FSIP1: variants seen among roughly 807,000 people sequenced by gnomAD.
The protein encoded by FSIP1 is fibrous sheath interacting protein 1.
Under a neutral mutation model 60.9 loss-of-function variants are expected in FSIP1, and 65 were observed. That is an observed-to-expected ratio of 1.07 (90% CI 0.87 to 1.31). The LOEUF is 1.31. Among genes scored for constraint, FSIP1 ranks in the 40% most tolerant of loss-of-function variants. The pLI is 0.00. For missense variants in FSIP1, 675 were observed against 665.5 expected, an observed-to-expected ratio of 1.01 and a Z score of -0.16; for synonymous variants, 209 against 221.2, an observed-to-expected ratio of 0.94 and a Z score of 0.49.
chr15:39,758,772 T>C (rs1489466394), intron 5 of FSIP1, among the ~76,000 whole-genome samples: 9 of 152,052 alleles, frequency 5.9e-5, no homozygotes, highest in Non-Finnish European at 1.2e-4. Context: ...TATTCCAAAA[T>C]ACTGCCCCAA....
chr15:39,658,385 G>A (rs1461802464), intron 10 of FSIP1, among the ~76,000 whole-genome samples: 2 of 151,580 alleles, frequency 1.3e-5, no homozygotes, highest in Non-Finnish European at 2.9e-5. Flanking sequence ...GAGTAGCTGG[G>A]ATTACAGGTG....
chr15:39,629,366 A>G (rs1273475803), intron 10 of FSIP1, among the ~76,000 whole-genome samples: 2 of 152,240 alleles, frequency 1.3e-5, no homozygotes, highest in African/African-American at 4.8e-5. Context: ...GTATGCAGTA[A>G]CCACAAAGTA....
chr15:39,620,958 A>G (rs889326147), intron 10 of FSIP1, among the ~76,000 whole-genome samples: 4 of 151,642 alleles, frequency 2.6e-5, no homozygotes, highest in African/African-American at 9.7e-5. Context: ...TATTTAAATG[A>G]AATTCCCAGG....
At chr15:39,618,755 G>A (rs1891335982) in intron 10 of FSIP1, among the ~76,000 whole-genome samples, 1 of 152,182 alleles carries the variant, frequency 6.6e-6, no homozygotes, top group South Asian at 2.1e-4. Flanking sequence ...CCAGGGCTAA[G>A]TGTTTCAACC....
chr15:39,618,397 T>C (rs1341681337), intron 10 of FSIP1, 152 bp from the exon 11 acceptor site: 1 of 670,316 alleles, frequency 1.5e-6, no homozygotes, highest in African/African-American at 1.8e-5. Context: ...TATCCAAAAC[T>C]GTAGGGGAAA....
intron 10 of FSIP1, among the ~76,000 whole-genome samples, chr15:39,640,542 C>T (rs1244607458): frequency 6.6e-6 from 1 of 152,038 alleles, no homozygotes; most frequent in East Asian, 1.9e-4. Flanking sequence ...TGCCCCGGGT[C>T]GCAGCGGAAA....
At chr15:39,686,292 A>C (rs1209223007) in intron 10 of FSIP1, among the ~76,000 whole-genome samples, 1 of 152,272 alleles carries the variant, frequency 6.6e-6, no homozygotes, top group Non-Finnish European at 1.5e-5. Flanking sequence ...CCAAAGTATT[A>C]GCAGTATAAA....
intron 2 of FSIP1, among the ~76,000 whole-genome samples, chr15:39,772,095 G>A (rs753573108): frequency 4.6e-5 from 7 of 152,112 alleles, no homozygotes; most frequent in South Asian, 4.1e-4. Context: ...AAGGTAATGA[G>A]GTACAAAGGT....
At chr15:39,776,077 G>C (rs922138830) in intron 2 of FSIP1, among the ~76,000 whole-genome samples, 3 of 149,104 alleles carry the variant, frequency 2.0e-5, no homozygotes, top group African/African-American at 5.0e-5. Context: ...ACAAAGTACA[G>C]TGCAGAGAAA....
At chr15:39,652,409 T>C (rs1021141668) in intron 10 of FSIP1, among the ~76,000 whole-genome samples, 2 of 152,242 alleles carry the variant, frequency 1.3e-5, no homozygotes, top group Non-Finnish European at 2.9e-5. Flanking sequence ...TTGTTAGTTA[T>C]ATTTTGAACT....
chr15:39,720,299 T>C (rs1191525346), intron 9 of FSIP1, among the ~76,000 whole-genome samples: 6 of 152,246 alleles, frequency 3.9e-5, no homozygotes, highest in Non-Finnish European at 5.9e-5. Context: ...AGGAGATCAA[T>C]ACAAACTACA....
At chr15:39,667,470 G>C (rs1481249001) in intron 10 of FSIP1, among the ~76,000 whole-genome samples, 1 of 152,168 alleles carries the variant, frequency 6.6e-6, no homozygotes, top group Non-Finnish European at 1.5e-5. Flanking sequence ...GAAGAGGATT[G>C]TGTGACCCTT....
intron 2 of FSIP1, among the ~76,000 whole-genome samples, chr15:39,770,864 G>A (rs1013830095): frequency 4.6e-5 from 7 of 152,218 alleles, no homozygotes; most frequent in Non-Finnish European, 1.0e-4. Flanking sequence ...CAGTCCTGAA[G>A]GGAACTGCTA....
chr15:39,705,644 T>C (rs537840445), intron 10 of FSIP1, among the ~76,000 whole-genome samples: 22 of 152,142 alleles, frequency 1.4e-4, no homozygotes, highest in Non-Finnish European at 3.1e-4. Flanking sequence ...TATAACATAG[T>C]TGATAAAAAT....
intron 8 of FSIP1, among the ~76,000 whole-genome samples, chr15:39,728,626 C>T (rs116778045): frequency 0.02 from 3,074 of 152,068 alleles, 109 homozygotes; most frequent in African/African-American, 0.071. Context: ...ACACCATATA[C>T]AAAAATCAAG....
chr15:39,628,748 T>G (rs148772687), intron 10 of FSIP1, among the ~76,000 whole-genome samples: 225 of 152,318 alleles, frequency 1.5e-3, no homozygotes, highest in Non-Finnish European at 2.7e-3. Flanking sequence ...TTTCTAACTT[T>G]AGATTCCGGC....
At chr15:39,713,211 T>C (rs1341926278) in intron 10 of FSIP1, among the ~76,000 whole-genome samples, 1 of 152,216 alleles carries the variant, frequency 6.6e-6, no homozygotes, top group Admixed American at 6.5e-5. Flanking sequence ...AGAACAGTCA[T>C]AAAACAGTCA....
chr15:39,701,186 T>A (rs1163704042), intron 10 of FSIP1, among the ~76,000 whole-genome samples: 1 of 152,136 alleles, frequency 6.6e-6, no homozygotes, highest in African/African-American at 2.4e-5. Context: ...GGAGCACACT[T>A]ATTTAGTAAA....
At chr15:39,782,066 T>A (rs1417451372) in intron 1 of FSIP1, among the ~76,000 whole-genome samples, 1 of 152,226 alleles carries the variant, frequency 6.6e-6, no homozygotes, top group Non-Finnish European at 1.5e-5. Context: ...AAAGAACACT[T>A]ATGTTTCAAA....
Sources: allele counts gnomAD v4.1 joint callset (sites outside exome capture counted in the v4.1 genomes callset), GRCh38; gene constraint gnomAD v4.1.1; transcripts MANE v1.5; gene names NCBI Gene and HGNC (gene_info 2026-07-23, HGNC 2026-07-21).